The following SND1 variants were observed in gnomAD, a reference collection of about 807,000 sequenced individuals.
SND1 encodes the protein staphylococcal nuclease and tudor domain containing 1.
A neutral mutation model predicts 121.7 loss-of-function variants in SND1; 38 were observed. The observed-to-expected ratio is 0.31, with a 90% CI of 0.24 to 0.41. The LOEUF (loss-of-function observed/expected upper bound fraction) is 0.41. Ranked by LOEUF, SND1 falls within the 10% of genes least tolerant of loss-of-function variation. The probability of loss-of-function intolerance (pLI) is 1.00; values close to 1 mark genes in which losing one functional copy is unlikely to be tolerated. For synonymous variants in SND1, 401 were observed against 447.4 expected, an observed-to-expected ratio of 0.90 and a Z score of 1.31; for missense variants, 868 against 1,184.6, an observed-to-expected ratio of 0.73 and a Z score of 3.92.
intron 5 of SND1, 52 bp from the exon 6 acceptor site, chr7:127,702,383 A>G (rs1354497650): frequency 1.3e-6 from 2 of 1,536,206 alleles, no homozygotes; most frequent in Non-Finnish European, 1.8e-6. Flanking sequence ...GGCAGTGTTT[A>G]TCCTTGTTAG....
chr7:127,675,748 A>C (rs1587587248), intron 1 of SND1, among the ~76,000 whole-genome samples: 1 of 152,214 alleles, frequency 6.6e-6, no homozygotes, highest in Non-Finnish European at 1.5e-5. Flanking sequence ...ATAAGTTAAC[A>C]CATAACTGTT....
intron 18 of SND1, among the ~76,000 whole-genome samples, chr7:128,084,216 G>A (rs1220786955): frequency 1.3e-5 from 2 of 152,182 alleles, no homozygotes; most frequent in Non-Finnish European, 2.9e-5. Context: ...ACGGTGGTGT[G>A]GGGCCCATCC....
At chr7:127,892,857 C>T (rs542987858) in intron 13 of SND1, among the ~76,000 whole-genome samples, 72 of 145,660 alleles carry the variant, frequency 4.9e-4, no homozygotes, top group African/African-American at 1.5e-3. Context: ...CACTCCTGAA[C>T]TTGGTCTCCC....
intron 5 of SND1, 102 bp downstream of exon 5, chr7:127,701,425 C>A: frequency 8.4e-6 from 10 of 1,191,540 alleles, no homozygotes; most frequent in South Asian, 3.3e-5. Flanking sequence ...CTTTCTTATA[C>A]TTATTTAGTA....
intron 16 of SND1, among the ~76,000 whole-genome samples, chr7:128,000,458 C>T (rs1300548240): frequency 6.6e-6 from 1 of 151,226 alleles, no homozygotes; most frequent in African/African-American, 2.4e-5. Flanking sequence ...GCCTCAACCT[C>T]CCAGGCTCAG....
intron 1 of SND1, among the ~76,000 whole-genome samples, chr7:127,665,444 C>T (rs1795399428): frequency 6.6e-6 from 1 of 152,150 alleles, no homozygotes; most frequent in Admixed American, 6.5e-5. Context: ...ACCTTGGCCT[C>T]CCGAAGTGCT....
intron 10 of SND1, among the ~76,000 whole-genome samples, chr7:127,780,847 C>G (rs944877895): frequency 1.3e-5 from 2 of 152,196 alleles, no homozygotes; most frequent in African/African-American, 4.8e-5. Context: ...TCACAGTGCA[C>G]TGGGGATTTA....
At chr7:127,857,359 ATTTTTTTTTTT>A (rs34235946) in intron 12 of SND1, among the ~76,000 whole-genome samples, 1 of 113,154 alleles carries the variant, frequency 8.8e-6, no homozygotes, top group African/African-American at 3.5e-5. Flanking sequence ...CCCCCGGCTA[ATTTTTTTTTTT>A]TTTTTTTTTT....
chr7:127,878,515 G>A (rs996808044), intron 12 of SND1, among the ~76,000 whole-genome samples: 1 of 152,146 alleles, frequency 6.6e-6, no homozygotes, highest in Non-Finnish European at 1.5e-5. Context: ...GCCCCAAGGC[G>A]CTGCAGCTCT....
At chr7:127,803,145 C>T (rs1477425915) in intron 10 of SND1, among the ~76,000 whole-genome samples, 4 of 152,226 alleles carry the variant, frequency 2.6e-5, no homozygotes, top group African/African-American at 4.8e-5. Context: ...GCATTCTGCT[C>T]TAGCTGCAGT....
intron 11 of SND1, among the ~76,000 whole-genome samples, chr7:127,816,303 AT>A (rs987262552): frequency 6.6e-6 from 1 of 152,254 alleles, no homozygotes; most frequent in African/African-American, 2.4e-5. Flanking sequence ...TGAATAGAAC[AT>A]TAAGAATAAT....
intron 14 of SND1, among the ~76,000 whole-genome samples, chr7:127,926,559 T>TTC (rs1800840438): frequency 7.1e-6 from 1 of 140,066 alleles, no homozygotes; most frequent in Non-Finnish European, 1.6e-5. Flanking sequence ...CTTTTTTTTT[T>TTC]TTTTTTTTTT....
chr7:127,777,766 C>T (rs746649074), intron 10 of SND1, among the ~76,000 whole-genome samples: 4 of 152,076 alleles, frequency 2.6e-5, no homozygotes, highest in Non-Finnish European at 5.9e-5. Context: ...GTGTCCAACT[C>T]CTGGGTTCGA....
At position 127,721,471 on chromosome 7, in the gene SND1, A is replaced by G. The variant is rs557224522; in HGVS notation, c.1152+71A>G. On this transcript the variant is annotated intron_variant, in intron 10 of 23. Coordinates refer to ENST00000354725, the MANE Select transcript of SND1 (RefSeq NM_014390.4). Reference sequence around the variant, plus strand: ...AAGAAGTTGGAGAATTGATTAATATATGACATATATAATACATATATGTGG... The same window carrying G: ...AAGAAGTTGGAGAATTGATTAATATGTGACATATATAATACATATATGTGG... The G allele has an allele frequency of 6.2e-6, 5 of 810,824 alleles. No homozygotes were observed. In the African/African-American group the frequency reaches 6.9e-5, roughly 11 times the overall value. 50.2% of individuals were successfully genotyped at this position (810,824 alleles called of 1,614,324 possible). A position where few individuals can be genotyped will look rare whatever the true frequency, so the allele number is the denominator to read the frequency against.
intron 10 of SND1, among the ~76,000 whole-genome samples, chr7:127,764,673 A>T (rs1347168700): frequency 6.6e-6 from 1 of 152,148 alleles, no homozygotes; most frequent in Non-Finnish European, 1.5e-5. Flanking sequence ...TAAATTTCCC[A>T]TTTGCATTTC....
At chr7:127,710,405 G>T (rs1796277465) in intron 9 of SND1, among the ~76,000 whole-genome samples, 1 of 148,894 alleles carries the variant, frequency 6.7e-6, no homozygotes, top group African/African-American at 2.5e-5. Flanking sequence ...GGGCCAGAAT[G>T]TAAATCAAGG....
At chr7:127,958,474 A>G (rs971177122) in intron 15 of SND1, among the ~76,000 whole-genome samples, 2 of 151,698 alleles carry the variant, frequency 1.3e-5, no homozygotes, top group African/African-American at 4.9e-5. Context: ...GATGCGCAGA[A>G]CTAGGGCTAG....
intron 10 of SND1, among the ~76,000 whole-genome samples, chr7:127,773,628 A>G (rs1797558527): frequency 6.6e-6 from 1 of 152,142 alleles, no homozygotes; most frequent in Non-Finnish European, 1.5e-5. Context: ...ATCGCTGGGT[A>G]TGTGGAAGAA....
chr7:127,865,245 A>G (rs954086504), intron 12 of SND1, among the ~76,000 whole-genome samples: 1 of 152,226 alleles, frequency 6.6e-6, no homozygotes, highest in Non-Finnish European at 1.5e-5. Context: ...ATGCTTGGCC[A>G]TGGCCCTTAC....
Sources: allele counts gnomAD v4.1 joint callset (sites outside exome capture counted in the v4.1 genomes callset), GRCh38; gene constraint gnomAD v4.1.1; transcripts MANE v1.5; gene names NCBI Gene and HGNC (gene_info 2026-07-23, HGNC 2026-07-21).